EML4: variants seen among roughly 807,000 people sequenced by gnomAD.
The protein encoded by EML4 is EMAP like 4, also known as echinoderm microtubule-associated protein-like 4.
A neutral mutation model predicts 129.0 loss-of-function variants in EML4; 72 were observed. The ratio of observed to expected loss-of-function variants is 0.56; its 90% confidence interval spans 0.46 to 0.68. The LOEUF is 0.68. Among genes scored for constraint, EML4 ranks in the 30% least tolerant of loss-of-function variants. The pLI, the probability that EML4 is intolerant of heterozygous loss-of-function variation, is 0.00. For synonymous variants in EML4, 532 were observed against 405.0 expected (o/e 1.31, Z -3.77); for missense variants, 1,363 against 1,190.6 (o/e 1.14, Z -2.13).
intron 1 of EML4, among the ~76,000 whole-genome samples, chr2:42,216,321 C>G (rs1673188956): frequency 7.5e-6 from 1 of 132,928 alleles, no homozygotes; most frequent in South Asian, 2.6e-4. Context: ...TGGCTCACTG[C>G]AACCTCTGCT....
chr2:42,270,988 C>T (rs1043409348), intron 6 of EML4, among the ~76,000 whole-genome samples: 11 of 152,140 alleles, frequency 7.2e-5, no homozygotes, highest in African/African-American at 2.2e-4. Flanking sequence ...CTTGACCTCC[C>T]GGGCTCAGTT....
chr2:42,197,892 A>G (rs138700256), intron 1 of EML4, among the ~76,000 whole-genome samples: 1 of 152,326 alleles, frequency 6.6e-6, no homozygotes, highest in East Asian at 1.9e-4. Flanking sequence ...AGCATAATAT[A>G]TATGTTTGTA....
At chr2:42,182,136 T>C (rs1670981205) in intron 1 of EML4, among the ~76,000 whole-genome samples, 1 of 150,062 alleles carries the variant, frequency 6.7e-6, no homozygotes, top group Non-Finnish European at 1.5e-5. Context: ...TTTTTTTTTT[T>C]TTTTTATGTA....
chr2:42,226,278 G>A (rs955219156), intron 1 of EML4, among the ~76,000 whole-genome samples: 1 of 152,080 alleles, frequency 6.6e-6, no homozygotes, highest in Non-Finnish European at 1.5e-5. Context: ...TTGGGGAGAT[G>A]TTGGCCAGAA....
chr2:42,249,328 T>C (rs1675618806), intron 2 of EML4, among the ~76,000 whole-genome samples: 1 of 152,106 alleles, frequency 6.6e-6, no homozygotes, highest in African/African-American at 2.4e-5. Context: ...ATTTATAGTA[T>C]CGAGTATCAC....
chr2:42,187,378 T>C (rs940238992), intron 1 of EML4, among the ~76,000 whole-genome samples: 21 of 152,290 alleles, frequency 1.4e-4, no homozygotes, highest in African/African-American at 4.1e-4. Flanking sequence ...TTCACATGAC[T>C]GGGATCTTAT....
chr2:42,169,577 C>G lies in EML4; in HGVS notation c.-35C>G, dbSNP rs1042858585. 1 of 1,596,022 alleles carries G rather than the reference C, an allele frequency of 6.3e-7. No homozygotes were observed. On this transcript the variant is annotated 5_prime_UTR_variant, in exon 1 of 23. Coordinates refer to ENST00000318522, the MANE Select transcript of EML4 (RefSeq NM_019063.5). The stretch of plus-strand genomic sequence containing the variant: ...CGGTCCGCTGAATGAAGTGCCCGCC[C>G]CTCTAAGCCCGGAGCCCGGCGCTTT...
intron 1 of EML4, among the ~76,000 whole-genome samples, chr2:42,178,727 C>G (rs1374673865): frequency 3.3e-5 from 5 of 152,104 alleles, no homozygotes; most frequent in Non-Finnish European, 7.4e-5. Flanking sequence ...GACTGGTTCC[C>G]CACTTATTTG....
intron 1 of EML4, among the ~76,000 whole-genome samples, chr2:42,242,332 G>A (rs940769028): frequency 2.6e-4 from 40 of 152,130 alleles, no homozygotes; most frequent in Middle Eastern, 6.8e-3. Context: ...ACTTAATCGC[G>A]GCCTTTGGTT....
Position 42,187,094 on chromosome 2 carries a change from A to C in EML4, c.25+17458A>C, listed in dbSNP as rs537772468. On this transcript the variant is annotated intron_variant, in intron 1 of 22. Coordinates refer to ENST00000318522, the MANE Select transcript of EML4 (RefSeq NM_019063.5). ...GGTCTTGCTCTGTTGCCCAGGCTGG[A>C]GTGCAGTGGCAGGATCTCATTTTAC... 7.0e-4 allele frequency among the ~76,000 whole-genome samples: 105 copies of C among 150,468 alleles called. 2 individuals carry two copies. The South Asian group carries it at 9.5e-3, about 14-fold the overall frequency.
Position 42,282,946 on chromosome 2 carries a change from C to T in EML4, c.915C>T (p.Tyr305=). The T allele has an allele frequency of 1.2e-6, 2 of 1,613,744 alleles. No individual in the cohort carries two copies. Among genetic ancestry groups the T allele is most frequent in the Non-Finnish European group, 1.7e-6 (2 of 1,179,782 alleles). ...ATGAGGAGAGAACTCAGCGACACTA[C>T]CTGGGCCATACAGACTGTGTGAAAT... is the stretch of plus-strand genomic sequence containing the variant. ...FNYEERTQRH[Y]LGHTDCVKCL... Residue 305 remains tyrosine, a synonymous_variant, in exon 8 of 23, where the codon TAC becomes TAT. Transcript: ENST00000318522.
At chr2:42,179,678 C>G (rs1173592645) in intron 1 of EML4, among the ~76,000 whole-genome samples, 1 of 152,192 alleles carries the variant, frequency 6.6e-6, no homozygotes, top group African/African-American at 2.4e-5. Context: ...TCTTGGCTCA[C>G]TGCACCCTCT....
chr2:42,174,920 C>A (rs974957370), intron 1 of EML4, among the ~76,000 whole-genome samples: 5 of 151,042 alleles, frequency 3.3e-5, no homozygotes, highest in African/African-American at 7.3e-5. Context: ...CGGGTTTAGG[C>A]AGTTATCTGC....
chr2:42,287,171 G>A (rs1667353167), intron 10 of EML4, among the ~76,000 whole-genome samples: 2 of 152,096 alleles, frequency 1.3e-5, no homozygotes, highest in Admixed American at 1.3e-4. Context: ...GAGTTTTGTG[G>A]GACATGGAGG....
intron 1 of EML4, among the ~76,000 whole-genome samples, chr2:42,205,000 A>G (rs1218604123): frequency 1.3e-5 from 2 of 152,190 alleles, no homozygotes; most frequent in Admixed American, 1.3e-4. Flanking sequence ...TCATCTCTTA[A>G]TCATTTGCAA....
At chr2:42,183,301 G>A (rs1671053301) in intron 1 of EML4, among the ~76,000 whole-genome samples, 1 of 152,318 alleles carries the variant, frequency 6.6e-6, no homozygotes, top group East Asian at 1.9e-4. Flanking sequence ...TATCATGAGG[G>A]GAGATAGACA....
chr2:42,218,208 G>T (rs1673324543), intron 1 of EML4, among the ~76,000 whole-genome samples: 1 of 151,926 alleles, frequency 6.6e-6, no homozygotes, highest in Non-Finnish European at 1.5e-5. Context: ...ACCCTGTTGG[G>T]AACTGTGCAT....
chr2:42,279,013 T>G (rs564620138), intron 6 of EML4, among the ~76,000 whole-genome samples: 3 of 152,222 alleles, frequency 2.0e-5, no homozygotes, highest in East Asian at 3.8e-4. Flanking sequence ...GCAGATCTTA[T>G]AAACACCTAT....
At position 42,256,637 on chromosome 2, in the gene EML4, A is replaced by G. The variant is rs367975129; in HGVS notation, c.338+7A>G. The G allele has an allele frequency of 1.8e-5, 29 of 1,612,830 alleles. No homozygotes were observed. The African/African-American group carries it at 3.6e-4, about 20-fold the overall frequency. ...TTTCATCTGCTGCTAAAAGGTACCC[A>G]TTTATGAAAGGGGGAAAAACTAACA... On this transcript the variant is annotated splice_region_variant and intron_variant, in intron 3 of 22. Transcript: ENST00000318522.
Sources: allele counts gnomAD v4.1 joint callset (sites outside exome capture counted in the v4.1 genomes callset), GRCh38; gene constraint gnomAD v4.1.1; transcripts MANE v1.5; gene names NCBI Gene and HGNC (gene_info 2026-07-23, HGNC 2026-07-21).